The following ZMYM6 variants were observed in gnomAD, a reference collection of about 807,000 sequenced individuals.
The protein encoded by ZMYM6 is zinc finger MYM-type protein 6.
Under a neutral mutation model 134.0 loss-of-function variants are expected in ZMYM6, and 90 were observed. The ratio of observed to expected loss-of-function variants is 0.67; its 90% confidence interval spans 0.57 to 0.80. ZMYM6 has a LOEUF of 0.80. Ranked by LOEUF, ZMYM6 falls within the 30% of genes least tolerant of loss-of-function variation. ZMYM6 has a pLI of 0.00. For missense variants in ZMYM6, 1,362 were observed against 1,533.9 expected (o/e 0.89, Z 1.87); for synonymous variants, 481 against 524.1 (o/e 0.92, Z 1.12).
chr1:35,025,854 G>A (rs72909437), intron 2 of ZMYM6, among the ~76,000 whole-genome samples: 22 of 152,246 alleles, frequency 1.4e-4, no homozygotes, highest in African/African-American at 5.3e-4. Context: ...TTCCTCATGG[G>A]TAAAGTGGGA....
intron 4 of ZMYM6, 125 bp downstream of exon 4, chr1:35,019,228 T>G: frequency 7.2e-7 from 1 of 1,385,292 alleles, no homozygotes; most frequent in Non-Finnish European, 9.8e-7. Context: ...ATTCTTCCAT[T>G]AACTAAAAAG....
chr1:35,008,960 A>C, intron 10 of ZMYM6, 36 bp from the exon 11 acceptor site: 1 of 1,590,710 alleles, frequency 6.3e-7, no homozygotes, highest in Non-Finnish European at 8.6e-7. Context: ...GAAAAATCAA[A>C]TTTACATTAA....
Position 35,010,989 on chromosome 1 carries a change from C to T in ZMYM6, c.1110G>A (p.Leu370=). Residue 370 remains leucine, a synonymous_variant, in exon 9 of 16, where the codon CTG becomes CTA. Transcript: ENST00000357182. Reference sequence around the variant, plus strand: ...GGCTTACAACCACTTGGCCCTGAGACAGGGGCACCGCCGAAGAGTTTGTTC... The same window carrying T: ...GGCTTACAACCACTTGGCCCTGAGATAGGGGCACCGCCGAAGAGTTTGTTC... ...PKGTNSSAVP[L]SQGQVVVSPP... is the part of the protein sequence containing the mutation. 1 of 1,613,968 alleles carries T rather than the reference C, an allele frequency of 6.2e-7. No homozygotes were observed. Among genetic ancestry groups the T allele is most frequent in the East Asian group, 2.2e-5 (1 of 44,880 alleles).
intron 10 of ZMYM6, among the ~76,000 whole-genome samples, chr1:35,009,849 T>C (rs778979870): frequency 2.1e-4 from 32 of 151,856 alleles, no homozygotes; most frequent in Non-Finnish European, 3.7e-4. Context: ...AGTGGGAGGA[T>C]CCCTTAAACC....
intron 2 of ZMYM6, among the ~76,000 whole-genome samples, chr1:35,020,953 T>G (rs1641298984): frequency 6.6e-6 from 1 of 152,050 alleles, no homozygotes; most frequent in Non-Finnish European, 1.5e-5. Flanking sequence ...TACACTAATC[T>G]TTACAAAGAC....
intron 4 of ZMYM6, among the ~76,000 whole-genome samples, chr1:35,016,091 C>A (rs1255173154): frequency 6.6e-6 from 1 of 151,746 alleles, no homozygotes; most frequent in Non-Finnish European, 1.5e-5. Context: ...AGCTGGGACA[C>A]CAGCACGTGC....
intron 6 of ZMYM6, chr1:35,013,203 A>G: frequency 2.8e-6 from 2 of 706,836 alleles, no homozygotes; most frequent in Non-Finnish European, 3.5e-6. Flanking sequence ...AGTGTATCAC[A>G]GAAACCTTTC....
intron 4 of ZMYM6, 64 bp from the exon 5 acceptor site, chr1:35,015,226 T>C (rs1641160280): frequency 7.0e-7 from 1 of 1,425,738 alleles, no homozygotes; most frequent in African/African-American, 1.4e-5. Flanking sequence ...TCCTCCTCTT[T>C]GTGAGGTGAA....
chr1:35,019,693 G>A, intron 3 of ZMYM6, 91 bp from the exon 4 acceptor site: 1 of 1,413,934 alleles, frequency 7.1e-7, no homozygotes, highest in Non-Finnish European at 9.3e-7. Context: ...TTCTTTTTCT[G>A]AGACACGGTC....
At chr1:34,991,271 C>G (rs1557556715) in intron 15 of ZMYM6, among the ~76,000 whole-genome samples, 1 of 152,052 alleles carries the variant, frequency 6.6e-6, no homozygotes, top group Non-Finnish European at 1.5e-5. Flanking sequence ...TTAGTACTCT[C>G]CATGTGTGAA....
At chr1:35,008,961 T>C in intron 10 of ZMYM6, 37 bp from the exon 11 acceptor site, 1 of 1,590,596 alleles carries the variant, frequency 6.3e-7, no homozygotes, top group African/African-American at 1.3e-5. Context: ...AAAAATCAAA[T>C]TTACATTAAC....
At chr1:34,990,337 G>T in intron 15 of ZMYM6, 1 of 249,970 alleles carries the variant, frequency 4.0e-6, no homozygotes, top group African/African-American at 2.2e-5. Context: ...AAGAAAATTA[G>T]CTGGGCATGG....
chr1:35,023,822 C>T (rs1282554393), intron 2 of ZMYM6, among the ~76,000 whole-genome samples: 1 of 151,872 alleles, frequency 6.6e-6, no homozygotes, highest in East Asian at 1.9e-4. Context: ...CGGGGTTTCA[C>T]CGTGTTAGCC....
chr1:35,022,782 C>T (rs1641333962), intron 2 of ZMYM6, among the ~76,000 whole-genome samples: 1 of 152,168 alleles, frequency 6.6e-6, no homozygotes, highest in South Asian at 2.1e-4. Flanking sequence ...TCCCCCTACA[C>T]ACACATTAGA....
chr1:35,012,706 G>A (rs1228723724), intron 6 of ZMYM6, 125 bp from the exon 7 acceptor site: 13 of 1,454,440 alleles, frequency 8.9e-6, no homozygotes, highest in Non-Finnish European at 1.2e-5. Flanking sequence ...GCATGATGAT[G>A]AAACCACACT....
rs147062261 is a variant in ZMYM6 at position 35,019,156 on chromosome 1, G to A, written c.428+197C>T. The A allele has an allele frequency of 1.2e-5, 9 of 728,122 alleles. No individual in the cohort carries two copies. In the East Asian group the frequency reaches 2.5e-4, roughly 20 times the overall value. The allele number at this position is 728,122 out of a possible 1,614,324, so 45.1% of individuals were successfully genotyped here. On this transcript the variant is annotated intron_variant, in intron 4 of 15. Coordinates refer to ENST00000357182, the MANE Select transcript of ZMYM6 (RefSeq NM_007167.4). ...TAAAATTTAAAGTGATAGAAAACTG[G>A]TTTAGGCAATATTCTAACACCAAGT...
chr1:35,017,012 A>T (rs1218003543), intron 4 of ZMYM6, among the ~76,000 whole-genome samples: 1 of 152,074 alleles, frequency 6.6e-6, no homozygotes, highest in African/African-American at 2.4e-5. Flanking sequence ...CTCAAAAAAA[A>T]AAAAAAATCC....
chr1:35,019,029 A>G lies in ZMYM6; in HGVS notation c.428+324T>C, dbSNP rs1641256484. On this transcript the variant is annotated intron_variant, in intron 4 of 15. Transcript: ENST00000357182. ...GTGATATTATTTTATGCTATACCCA[A>G]TAGCTTTCAAGATAACTGTTAAATA... is the stretch of plus-strand genomic sequence containing the variant. 7 of 483,432 alleles carry G rather than the reference A, an allele frequency of 1.4e-5. No homozygotes were observed. The East Asian group carries it at 2.4e-4, about 16-fold the overall frequency. The allele number at this position is 483,432 out of a possible 1,614,324, so 29.9% of individuals were successfully genotyped here. A position where few individuals can be genotyped will look rare whatever the true frequency, so the allele number is the denominator to read the frequency against.
At chr1:35,017,088 G>A (rs1641215454) in intron 4 of ZMYM6, among the ~76,000 whole-genome samples, 2 of 151,974 alleles carry the variant, frequency 1.3e-5, no homozygotes, top group Admixed American at 1.3e-4. Flanking sequence ...CTGAATGAGA[G>A]GTTAAATAGC....
Sources: allele counts gnomAD v4.1 joint callset (sites outside exome capture counted in the v4.1 genomes callset), GRCh38; gene constraint gnomAD v4.1.1; transcripts MANE v1.5; gene names NCBI Gene and HGNC (gene_info 2026-07-23, HGNC 2026-07-21).